SNTG2: variants seen among roughly 807,000 people sequenced by gnomAD.
SNTG2 encodes the protein gamma-2-syntrophin.
In SNTG2, 74 loss-of-function variants were observed where a neutral mutation model predicts 70.9. That is an observed-to-expected ratio of 1.04 (90% confidence interval 0.86 to 1.27). The LOEUF (loss-of-function observed/expected upper bound fraction) is 1.27, where lower values mean the gene tolerates loss of function less well. SNTG2 is among the 50% of genes most tolerant of loss of function. The pLI is 0.00. For missense variants in SNTG2, 717 were observed against 690.7 expected (o/e 1.04, Z -0.43); for synonymous variants, 278 against 273.8 (o/e 1.02, Z -0.15).
chr2:1,209,043 T>C, intron 8 of SNTG2, 60 bp from the exon 9 acceptor site: 1 of 1,593,424 alleles, frequency 6.3e-7, no homozygotes. Context: ...TGCAGATGCC[T>C]CTCCCCGCAT....
intron 14 of SNTG2, among the ~76,000 whole-genome samples, chr2:1,284,760 A>G (rs907498024): frequency 1.1e-4 from 17 of 152,142 alleles, no homozygotes; most frequent in African/African-American, 3.9e-4. Context: ...ACCATATTAT[A>G]TTTCTAAAAT....
At chr2:1,292,458 A>G (rs1383094242) in intron 14 of SNTG2, among the ~76,000 whole-genome samples, 1 of 152,140 alleles carries the variant, frequency 6.6e-6, no homozygotes, top group Non-Finnish European at 1.5e-5. Flanking sequence ...GTCTTTCACT[A>G]TTGAGTATGA....
At chr2:1,317,583 C>T (rs1161676192) in intron 16 of SNTG2, among the ~76,000 whole-genome samples, 1 of 84,484 alleles carries the variant, frequency 1.2e-5, no homozygotes. Flanking sequence ...TAGCATGAGG[C>T]CAGCATTGGA....
intron 4 of SNTG2, among the ~76,000 whole-genome samples, chr2:1,103,685 G>C (rs1665941114): frequency 6.6e-6 from 1 of 152,140 alleles, no homozygotes; most frequent in Admixed American, 6.6e-5. Context: ...ACCGCGCCTG[G>C]CCATGATTAT....
intron 14 of SNTG2, among the ~76,000 whole-genome samples, chr2:1,296,976 C>T (rs533023322): frequency 1.3e-5 from 2 of 152,290 alleles, no homozygotes; most frequent in African/African-American, 4.8e-5. Context: ...ACAGAACATC[C>T]AGCCTCACAG....
At chr2:1,235,342 G>T (rs28712383) in intron 9 of SNTG2, among the ~76,000 whole-genome samples, 8,118 of 53,814 alleles carry the variant, frequency 0.15, 276 homozygotes, top group African/African-American at 0.29. Flanking sequence ...GTCCCTGCAG[G>T]CCCCACCAGG....
At chr2:958,273 A>G (rs542067091) in intron 1 of SNTG2, among the ~76,000 whole-genome samples, 12 of 152,328 alleles carry the variant, frequency 7.9e-5, no homozygotes, top group African/African-American at 2.9e-4. Context: ...AGACAAAAGG[A>G]TAACAACAGG....
chr2:1,189,037 G>A (rs1208656822), intron 8 of SNTG2, among the ~76,000 whole-genome samples: 2 of 149,124 alleles, frequency 1.3e-5, no homozygotes, highest in African/African-American at 2.4e-5. Context: ...AAATGGGACT[G>A]TTATTTCTAG....
chr2:1,099,988 C>T (rs546544779), intron 4 of SNTG2, among the ~76,000 whole-genome samples: 1 of 152,246 alleles, frequency 6.6e-6, no homozygotes, highest in East Asian at 1.9e-4. Flanking sequence ...GGCCAGCAAG[C>T]CCCGAAACCC....
At chr2:1,138,184 G>A (rs1160766757) in intron 6 of SNTG2, among the ~76,000 whole-genome samples, 1 of 152,206 alleles carries the variant, frequency 6.6e-6, no homozygotes, top group African/African-American at 2.4e-5. Flanking sequence ...CGTACCGCCC[G>A]GGCGCTGGAG....
At chr2:1,270,667 C>T (rs1213387838) in intron 14 of SNTG2, among the ~76,000 whole-genome samples, 1 of 152,186 alleles carries the variant, frequency 6.6e-6, no homozygotes, top group Non-Finnish European at 1.5e-5. Context: ...GTGCCTAGAA[C>T]AGTCCCCGGC....
At chr2:1,051,052 A>C (rs949560140) in intron 1 of SNTG2, among the ~76,000 whole-genome samples, 2 of 151,700 alleles carry the variant, frequency 1.3e-5, no homozygotes, top group African/African-American at 4.8e-5. Context: ...TTTTCATATC[A>C]CATGCGTAGA....
At chr2:1,099,627 T>TGTAGTGAG (rs1206363931) in intron 4 of SNTG2, among the ~76,000 whole-genome samples, 1 of 151,824 alleles carries the variant, frequency 6.6e-6, no homozygotes, top group African/African-American at 2.4e-5. Context: ...TGAAGGTGGG[T>TGTAGTGAG]GCAGTGAGGG....
At position 1,005,824 on chromosome 2, in the gene SNTG2, T is replaced by TTAACGTTGAC. The variant is rs1558306088; in HGVS notation, c.72+54756_72+54757insTAACGTTGAC. 2.0e-4 allele frequency among the ~76,000 whole-genome samples: 16 copies of TTAACGTTGAC among 81,512 alleles called. 4 individuals are homozygous for TTAACGTTGAC. The highest frequency in any genetic ancestry group is 2.6e-4 in the African/African-American group (5 of 18,872). The allele number at this position is 81,512 out of a possible 152,430, so 53.5% of individuals were successfully genotyped here. The stretch of plus-strand genomic sequence containing the variant: ...GCCTCAAAATATATATATATATATA[T>TTAACGTTGAC]ATATATATATATATATATATATATA... On this transcript the variant is annotated intron_variant, in intron 1 of 16. Coordinates refer to ENST00000308624, the MANE Select transcript of SNTG2 (RefSeq NM_018968.4).
chr2:1,113,565 C>T (rs996235265), intron 4 of SNTG2, among the ~76,000 whole-genome samples: 6 of 147,942 alleles, frequency 4.1e-5, no homozygotes, highest in African/African-American at 1.3e-4. Flanking sequence ...TGAGGAGGAT[C>T]GTGTGTACTA....
At chr2:971,609 G>T (rs980540023) in intron 1 of SNTG2, among the ~76,000 whole-genome samples, 1 of 150,612 alleles carries the variant, frequency 6.6e-6, no homozygotes, top group Non-Finnish European at 1.5e-5. Context: ...GCAAATTTGT[G>T]GTTTTGCTAA....
intron 1 of SNTG2, among the ~76,000 whole-genome samples, chr2:997,890 A>G (rs939712228): frequency 6.6e-6 from 1 of 152,184 alleles, no homozygotes; most frequent in African/African-American, 2.4e-5. Context: ...TACACAACCC[A>G]TTACAAAACC....
chr2:1,071,670 A>T (rs1045215997), intron 1 of SNTG2, among the ~76,000 whole-genome samples: 2 of 151,916 alleles, frequency 1.3e-5, no homozygotes, highest in Non-Finnish European at 2.9e-5. Flanking sequence ...AAAACTAGAG[A>T]AGATCAAGCT....
chr2:1,231,949 G>A (rs1162052418), intron 9 of SNTG2, among the ~76,000 whole-genome samples: 2 of 152,146 alleles, frequency 1.3e-5, no homozygotes, highest in Non-Finnish European at 2.9e-5. Context: ...ATGGCTCCAC[G>A]GCAAGATGCA....
Sources: allele counts gnomAD v4.1 joint callset (sites outside exome capture counted in the v4.1 genomes callset), GRCh38; gene constraint gnomAD v4.1.1; transcripts MANE v1.5; gene names NCBI Gene and HGNC (gene_info 2026-07-23, HGNC 2026-07-21).